THRB: variants seen among roughly 807,000 people sequenced by gnomAD.
THRB encodes the protein nuclear receptor subfamily 1 group A member 2.
Under a neutral mutation model 47.8 loss-of-function variants are expected in THRB, and 12 were observed. The observed-to-expected ratio is 0.25, with a 90% confidence interval of 0.16 to 0.41. The LOEUF is 0.41. THRB is among the 10% of genes least tolerant of loss of function. The probability of loss-of-function intolerance (pLI) is 1.00; values close to 1 mark genes in which losing one functional copy is unlikely to be tolerated. For missense variants in THRB, 348 were observed against 589.2 expected (o/e 0.59, Z 4.24); for synonymous variants, 218 against 212.2 (o/e 1.03, Z -0.24).
At chr3:24,208,445 A>G (rs2045643555) in intron 4 of THRB, among the ~76,000 whole-genome samples, 1 of 152,228 alleles carries the variant, frequency 6.6e-6, no homozygotes, top group Non-Finnish European at 1.5e-5. Context: ...CTGGCTTCAA[A>G]CTATACTACA....
intron 1 of THRB, among the ~76,000 whole-genome samples, chr3:24,380,537 G>T (rs1467710522): frequency 2.0e-5 from 3 of 152,004 alleles, no homozygotes; most frequent in Admixed American, 2.0e-4. Flanking sequence ...TTTCACAACA[G>T]CCCTAAATGC....
chr3:24,447,682 G>A (rs1284026387), intron 1 of THRB, among the ~76,000 whole-genome samples: 2 of 152,078 alleles, frequency 1.3e-5, no homozygotes, highest in Admixed American at 6.6e-5. Flanking sequence ...GAGTCCTGGA[G>A]GGGAAGGGGT....
intron 1 of THRB, among the ~76,000 whole-genome samples, chr3:24,375,834 C>A (rs1440600480): frequency 6.6e-6 from 1 of 151,674 alleles, no homozygotes; most frequent in Non-Finnish European, 1.5e-5. Flanking sequence ...TCTTCTGATC[C>A]CAAGTCTTTT....
chr3:24,202,665 C>T (rs543264589), intron 4 of THRB, among the ~76,000 whole-genome samples: 42 of 152,244 alleles, frequency 2.8e-4, no homozygotes, highest in Non-Finnish European at 5.1e-4. Flanking sequence ...TGATACTGAG[C>T]GTCAATGCCT....
chr3:24,466,540 G>C (rs904018478), intron 1 of THRB, among the ~76,000 whole-genome samples: 1 of 152,064 alleles, frequency 6.6e-6, no homozygotes, highest in African/African-American at 2.4e-5. Flanking sequence ...TCTAATTCTT[G>C]TTTAGAGTAC....
chr3:24,352,570 A>C (rs913032787), intron 1 of THRB, among the ~76,000 whole-genome samples: 15 of 152,334 alleles, frequency 9.8e-5, no homozygotes, highest in African/African-American at 3.6e-4. Context: ...TGAAATCAGA[A>C]GCAGCCTGCA....
intron 1 of THRB, among the ~76,000 whole-genome samples, chr3:24,471,439 T>G (rs529383882): frequency 2.0e-5 from 3 of 152,348 alleles, no homozygotes; most frequent in South Asian, 4.1e-4. Flanking sequence ...TAATTGATAG[T>G]CTTTTAGAAT....
At chr3:24,471,571 G>C (rs1442222793) in intron 1 of THRB, among the ~76,000 whole-genome samples, 2 of 152,144 alleles carry the variant, frequency 1.3e-5, no homozygotes, top group Admixed American at 1.3e-4. Context: ...CTGTAGTGGA[G>C]CATTTTGGCT....
intron 1 of THRB, among the ~76,000 whole-genome samples, chr3:24,387,351 C>A (rs948029934): frequency 6.6e-6 from 1 of 152,156 alleles, no homozygotes; most frequent in Non-Finnish European, 1.5e-5. Context: ...ATTCACTAAA[C>A]CTTTCAGAGT....
chr3:24,249,032 T>C (rs1440753638), intron 3 of THRB, among the ~76,000 whole-genome samples: 6 of 152,180 alleles, frequency 3.9e-5, no homozygotes, highest in African/African-American at 1.2e-4. Flanking sequence ...GACTGCTGCA[T>C]GTCAGTGCTA....
chr3:24,363,610 A>G (rs187031896), intron 1 of THRB, among the ~76,000 whole-genome samples: 4 of 152,296 alleles, frequency 2.6e-5, no homozygotes, highest in Admixed American at 1.3e-4. Context: ...AAAATTTTTC[A>G]AACACTTTTT....
At chr3:24,204,774 C>A (rs553207688) in intron 4 of THRB, among the ~76,000 whole-genome samples, 3 of 152,270 alleles carry the variant, frequency 2.0e-5, no homozygotes, top group Non-Finnish European at 4.4e-5. Context: ...AGACGAATGG[C>A]TAACTACAAT....
At chr3:24,204,548 G>A (rs147896401) in intron 4 of THRB, among the ~76,000 whole-genome samples, 2,818 of 152,240 alleles carry the variant, frequency 0.019, 76 homozygotes, top group African/African-American at 0.059. Flanking sequence ...CCACAAAGAT[G>A]GGGAAAAAAC....
At chr3:24,223,482 T>C (rs922134340) in intron 4 of THRB, among the ~76,000 whole-genome samples, 1 of 152,194 alleles carries the variant, frequency 6.6e-6, no homozygotes, top group African/African-American at 2.4e-5. Context: ...AAAGCTTTTG[T>C]ATGACCAAAA....
chr3:24,320,487 C>T (rs2058413688), intron 2 of THRB, among the ~76,000 whole-genome samples: 1 of 152,150 alleles, frequency 6.6e-6, no homozygotes, highest in Non-Finnish European at 1.5e-5. Flanking sequence ...AGTAGCATCC[C>T]AGCCCTCCCA....
At chr3:24,195,353 A>G (rs1265727702) in intron 4 of THRB, among the ~76,000 whole-genome samples, 1 of 152,158 alleles carries the variant, frequency 6.6e-6, no homozygotes, top group Non-Finnish European at 1.5e-5. Context: ...ATTAACCGAT[A>G]TGTTCTCCTT....
chr3:24,476,318 G>A (rs1695443303), intron 1 of THRB, among the ~76,000 whole-genome samples: 1 of 152,166 alleles, frequency 6.6e-6, no homozygotes, highest in African/African-American at 2.4e-5. Context: ...CATAGCTTCA[G>A]AGGGATTACT....
At chr3:24,237,378 G>T (rs949352400) in intron 3 of THRB, among the ~76,000 whole-genome samples, 1 of 152,132 alleles carries the variant, frequency 6.6e-6, no homozygotes, top group Non-Finnish European at 1.5e-5. Flanking sequence ...AGCTTAATTT[G>T]CTGTTGCTGA....
chr3:24,230,123 G>A (rs565956828), intron 3 of THRB, among the ~76,000 whole-genome samples: 3 of 152,036 alleles, frequency 2.0e-5, no homozygotes, highest in Non-Finnish European at 2.9e-5. Flanking sequence ...ACGAGGCAGA[G>A]GAAGTGTGTG....
Sources: allele counts gnomAD v4.1 joint callset (sites outside exome capture counted in the v4.1 genomes callset), GRCh38; gene constraint gnomAD v4.1.1; transcripts MANE v1.5; gene names NCBI Gene and HGNC (gene_info 2026-07-23, HGNC 2026-07-21).